Variants in TNR observed in about 807,000 individuals in gnomAD.
TNR encodes the protein tenascin-R.
A neutral mutation model predicts 150.4 loss-of-function variants in TNR; 45 were observed. That is an observed-to-expected ratio of 0.30 (90% confidence interval 0.24 to 0.38). The LOEUF is 0.38. Among genes scored for constraint, TNR ranks in the 10% least tolerant of loss-of-function variants. The pLI is 1.00. For synonymous variants in TNR, 687 were observed against 678.4 expected (o/e 1.01, Z -0.20); for missense variants, 1,544 against 1,759.1 (o/e 0.88, Z 2.19).
intron 5 of TNR, among the ~76,000 whole-genome samples, chr1:175,395,237 A>G (rs929569757): frequency 2.0e-5 from 3 of 152,126 alleles, no homozygotes; most frequent in Non-Finnish European, 4.4e-5. Context: ...GCATCCTTCA[A>G]AGGTCAATTC....
intron 1 of TNR, among the ~76,000 whole-genome samples, chr1:175,624,243 T>C (rs1385451579): frequency 6.6e-6 from 1 of 152,210 alleles, no homozygotes; most frequent in African/African-American, 2.4e-5. Context: ...GAGAATAAGA[T>C]TATACAATTC....
At chr1:175,432,737 T>A (rs743904) in intron 2 of TNR, among the ~76,000 whole-genome samples, 76,077 of 151,856 alleles carry the variant, frequency 0.5, 20,881 homozygotes, top group African/African-American at 0.74. Context: ...TCTGCTCCTC[T>A]TATGCTTATA....
chr1:175,589,525 A>T (rs1662711159), intron 1 of TNR, among the ~76,000 whole-genome samples: 1 of 152,240 alleles, frequency 6.6e-6, no homozygotes, highest in African/African-American at 2.4e-5. Context: ...TTTTTAAAAC[A>T]AAAATTAATG....
chr1:175,650,829 AC>A (rs1664948833), intron 1 of TNR, among the ~76,000 whole-genome samples: 5 of 10,616 alleles, frequency 4.7e-4, no homozygotes, highest in South Asian at 3.0e-3. Context: ...CCTCCTTACT[AC>A]CCCTCCCCCA....
intron 2 of TNR, among the ~76,000 whole-genome samples, chr1:175,481,404 C>T (rs1305507560): frequency 2.0e-5 from 3 of 152,088 alleles, no homozygotes; most frequent in Non-Finnish European, 4.4e-5. Context: ...TGATTTTGGG[C>T]GTAAGATTCT....
At chr1:175,725,330 G>A (rs1326033176) in intron 1 of TNR, among the ~76,000 whole-genome samples, 1 of 152,116 alleles carries the variant, frequency 6.6e-6, no homozygotes, top group Non-Finnish European at 1.5e-5. Context: ...CCTTCCCATA[G>A]CACTGTGGAA....
chr1:175,426,652 T>C (rs912464913), intron 2 of TNR, among the ~76,000 whole-genome samples: 1 of 151,646 alleles, frequency 6.6e-6, no homozygotes, highest in African/African-American at 2.4e-5. Context: ...AAAAGGGATG[T>C]TCAAGCACTT....
intron 1 of TNR, among the ~76,000 whole-genome samples, chr1:175,534,713 G>T (rs1328772871): frequency 6.6e-6 from 1 of 152,172 alleles, no homozygotes; most frequent in Non-Finnish European, 1.5e-5. Flanking sequence ...CTTGGCTTCT[G>T]GGCTGCTAAG....
At chr1:175,598,460 C>A (rs544044521) in intron 1 of TNR, among the ~76,000 whole-genome samples, 10 of 152,308 alleles carry the variant, frequency 6.6e-5, no homozygotes, top group African/African-American at 1.9e-4. Flanking sequence ...ATATTAAATG[C>A]TGCAGGAATT....
intron 1 of TNR, among the ~76,000 whole-genome samples, chr1:175,535,450 G>T (rs750259238): frequency 0.027 from 476 of 17,378 alleles, 3 homozygotes; most frequent in Non-Finnish European, 0.053. Flanking sequence ...TTTATTTTTT[G>T]TTGTTGTTGT....
At chr1:175,341,109 A>G (rs10489320) in intron 18 of TNR, among the ~76,000 whole-genome samples, 7,314 of 152,298 alleles carry the variant, frequency 0.048, 250 homozygotes, top group Middle Eastern at 0.19. Context: ...GCTGTATTCA[A>G]TGTGAACGTA....
intron 1 of TNR, among the ~76,000 whole-genome samples, chr1:175,733,127 C>T (rs1315550379): frequency 2.0e-5 from 3 of 152,218 alleles, no homozygotes; most frequent in Non-Finnish European, 4.4e-5. Context: ...TTTTCCCTCT[C>T]GCAGGCTTTT....
chr1:175,692,925 G>T (rs1285503140), intron 1 of TNR, among the ~76,000 whole-genome samples: 1 of 152,188 alleles, frequency 6.6e-6, no homozygotes, highest in African/African-American at 2.4e-5. Context: ...GAATTGGGAA[G>T]AATGTTCACC....
chr1:175,432,669 A>AT (rs34341419), intron 2 of TNR, among the ~76,000 whole-genome samples: 2,814 of 149,246 alleles, frequency 0.019, 46 homozygotes, highest in South Asian at 0.063. Flanking sequence ...CTTGCTGAGT[A>AT]TTTTTTTTTA....
At chr1:175,546,893 C>T (rs747468126) in intron 1 of TNR, among the ~76,000 whole-genome samples, 2 of 152,200 alleles carry the variant, frequency 1.3e-5, no homozygotes, top group Non-Finnish European at 1.5e-5. Flanking sequence ...AGGCTCACCT[C>T]AAGTTGACCA....
At chr1:175,535,957 A>C (rs1190258995) in intron 1 of TNR, among the ~76,000 whole-genome samples, 1 of 152,164 alleles carries the variant, frequency 6.6e-6, no homozygotes, top group African/African-American at 2.4e-5. Flanking sequence ...ATTTTTCACC[A>C]ATAGAAATCA....
chr1:175,534,128 A>G (rs1304222260), intron 1 of TNR, among the ~76,000 whole-genome samples: 4 of 152,202 alleles, frequency 2.6e-5, no homozygotes, highest in African/African-American at 9.7e-5. Flanking sequence ...TTGGTGGCTC[A>G]ACAACCTCAT....
chr1:175,493,631 C>T (rs1237678489), intron 2 of TNR, among the ~76,000 whole-genome samples: 1 of 152,226 alleles, frequency 6.6e-6, no homozygotes, highest in Non-Finnish European at 1.5e-5. Flanking sequence ...AAAGGTGCTC[C>T]GCACTAAGCT....
chr1:175,429,798 G>T (rs1655179887), intron 2 of TNR, among the ~76,000 whole-genome samples: 1 of 152,132 alleles, frequency 6.6e-6, no homozygotes, highest in Non-Finnish European at 1.5e-5. Context: ...GGAAGAATTT[G>T]ATCCTTGCCA....
Sources: allele counts gnomAD v4.1 joint callset (sites outside exome capture counted in the v4.1 genomes callset), GRCh38; gene constraint gnomAD v4.1.1; transcripts MANE v1.5; gene names NCBI Gene and HGNC (gene_info 2026-07-23, HGNC 2026-07-21).